Variants in KCNMA1 observed in about 807,000 individuals in gnomAD.
The protein encoded by KCNMA1 is potassium calcium-activated channel subfamily M alpha 1.
A neutral mutation model predicts 140.0 loss-of-function variants in KCNMA1; 29 were observed. The observed-to-expected ratio is 0.21, with a 90% CI of 0.15 to 0.28. The LOEUF (loss-of-function observed/expected upper bound fraction) is 0.28, where lower values mean the gene tolerates loss of function less well. KCNMA1 is among the 10% of genes least tolerant of loss of function. KCNMA1 has a pLI of 1.00. For missense variants in KCNMA1, 880 were observed against 1,602.2 expected (o/e 0.55, Z 7.70); for synonymous variants, 612 against 611.9 (o/e 1.00, Z 0.00).
intron 1 of KCNMA1, among the ~76,000 whole-genome samples, chr10:77,517,751 A>G (rs976159878): frequency 6.6e-6 from 1 of 152,138 alleles, no homozygotes; most frequent in African/African-American, 2.4e-5. Flanking sequence ...TCCCCATTCA[A>G]CAAGGAGGTA....
chr10:76,960,683 A>G (rs115712005), intron 20 of KCNMA1, among the ~76,000 whole-genome samples: 2,256 of 138,246 alleles, frequency 0.016, 63 homozygotes, highest in African/African-American at 0.06. Flanking sequence ...GCTAGAGCAC[A>G]GGCAGAGTAG....
intron 2 of KCNMA1, among the ~76,000 whole-genome samples, chr10:77,371,219 C>G (rs1566344729): frequency 1.3e-5 from 2 of 152,154 alleles, no homozygotes; most frequent in African/African-American, 2.4e-5. Context: ...GGTTCTCGGG[C>G]AAGGTGAACT....
At chr10:77,178,472 T>C (rs2098773046) in intron 5 of KCNMA1, among the ~76,000 whole-genome samples, 1 of 152,156 alleles carries the variant, frequency 6.6e-6, no homozygotes, top group Non-Finnish European at 1.5e-5. Flanking sequence ...TTTGGGAGGC[T>C]GAGGCGGGTA....
At chr10:77,118,380 A>G (rs1366672671) in intron 6 of KCNMA1, among the ~76,000 whole-genome samples, 1 of 152,230 alleles carries the variant, frequency 6.6e-6, no homozygotes, top group South Asian at 2.1e-4. Flanking sequence ...GCACCTGGAG[A>G]GAGAATGGCC....
rs536424100 is a variant in KCNMA1, at chr10:77,288,891, A to C, written c.541-37635T>G. Among the ~76,000 whole-genome samples, 3 of 152,314 alleles carry C rather than the reference A, an allele frequency of 2.0e-5. No individual in the cohort carries two copies. In the East Asian group the frequency reaches 5.8e-4, roughly 29 times the overall value. On this transcript the variant is annotated intron_variant, in intron 2 of 27. Transcript: ENST00000286628. ...ACCTGGAGTTTGCATCTCAAAAGTGAACACCATCCACAAGGCCAGGCAAGA... is the reference window on the plus strand; with the variant it reads ...ACCTGGAGTTTGCATCTCAAAAGTGCACACCATCCACAAGGCCAGGCAAGA...
At chr10:77,447,710 A>G (rs538043579) in intron 1 of KCNMA1, among the ~76,000 whole-genome samples, 65 of 152,340 alleles carry the variant, frequency 4.3e-4, no homozygotes, top group African/African-American at 1.5e-3. Context: ...TGGGATCAAG[A>G]ACAGGGGCTC....
intron 2 of KCNMA1, among the ~76,000 whole-genome samples, chr10:77,401,741 T>G (rs191390264): frequency 6.6e-6 from 1 of 152,330 alleles, no homozygotes; most frequent in East Asian, 1.9e-4. Context: ...ATTTTTTATA[T>G]CTTCCCGCCA....
At chr10:76,917,112 G>C (rs548850096) in intron 23 of KCNMA1, among the ~76,000 whole-genome samples, 1 of 152,300 alleles carries the variant, frequency 6.6e-6, no homozygotes, top group East Asian at 1.9e-4. Context: ...TTCTAGGATG[G>C]TGAAGGGGAA....
intron 5 of KCNMA1, among the ~76,000 whole-genome samples, chr10:77,152,423 A>G (rs79087352): frequency 6.6e-6 from 1 of 152,124 alleles, no homozygotes; most frequent in Admixed American, 6.6e-5. Context: ...TGATCTCAGG[A>G]AACACCAGTA....
chr10:76,965,121 G>A (rs1190242839), intron 20 of KCNMA1, among the ~76,000 whole-genome samples: 4 of 152,120 alleles, frequency 2.6e-5, no homozygotes, highest in Non-Finnish European at 5.9e-5. Context: ...TGCTCCCCAG[G>A]ACTTTACAAA....
intron 21 of KCNMA1, among the ~76,000 whole-genome samples, chr10:76,952,910 C>A (rs985583986): frequency 1.3e-5 from 2 of 152,188 alleles, no homozygotes; most frequent in African/African-American, 4.8e-5. Context: ...GGAGAAAGAA[C>A]CCTTCCATCT....
At chr10:77,238,871 A>G (rs535571010) in intron 3 of KCNMA1, among the ~76,000 whole-genome samples, 5 of 152,324 alleles carry the variant, frequency 3.3e-5, no homozygotes, top group African/African-American at 1.2e-4. Flanking sequence ...TCCAATTCCC[A>G]AATGGGTGTT....
At chr10:77,273,445 C>T (rs1404928765) in intron 2 of KCNMA1, among the ~76,000 whole-genome samples, 1 of 152,104 alleles carries the variant, frequency 6.6e-6, no homozygotes, top group East Asian at 1.9e-4. Context: ...ATTATACTTG[C>T]AAGATGAATT....
intron 3 of KCNMA1, among the ~76,000 whole-genome samples, chr10:77,237,257 A>G (rs1943258452): frequency 6.6e-6 from 1 of 152,190 alleles, no homozygotes; most frequent in Non-Finnish European, 1.5e-5. Flanking sequence ...ACACACTACT[A>G]TCAGGTAGGT....
chr10:77,157,976 G>GA (rs1207144059), intron 5 of KCNMA1, among the ~76,000 whole-genome samples: 2 of 152,162 alleles, frequency 1.3e-5, no homozygotes, highest in African/African-American at 4.8e-5. Flanking sequence ...GGCAGGGAGG[G>GA]AAGTAGCAAA....
intron 14 of KCNMA1, among the ~76,000 whole-genome samples, chr10:77,072,865 A>G (rs2096264033): frequency 6.6e-6 from 1 of 152,232 alleles, no homozygotes; most frequent in Non-Finnish European, 1.5e-5. Context: ...ATCTAAAAAA[A>G]GAGGGGATTG....
chr10:76,897,011 TACACACACACACACACACAC>T (rs3067677), intron 25 of KCNMA1, among the ~76,000 whole-genome samples: 2 of 142,718 alleles, frequency 1.4e-5, no homozygotes, highest in Non-Finnish European at 1.5e-5. Context: ...AGGTGAAAAT[TACACACACACACACACACAC>T]ACACACACAC....
chr10:77,080,008 C>A (rs2096524892), intron 12 of KCNMA1, among the ~76,000 whole-genome samples: 1 of 152,108 alleles, frequency 6.6e-6, no homozygotes, highest in Admixed American at 6.5e-5. Flanking sequence ...AGTCCCAGTT[C>A]CATCTCTCAC....
chr10:77,439,086 A>AG lies in KCNMA1; in HGVS notation c.379-35064_379-35063insC, dbSNP rs1446939139. ...ACTCTCTCAAAAAAAGAAAGAAAAG[A>AG]AAAGAGAAGAGAAGAGAAGAGAAGA... On this transcript the variant is annotated intron_variant, in intron 1 of 27. Transcript: ENST00000286628. Among the ~76,000 whole-genome samples the AG allele has an allele frequency of 1.5e-3, 213 of 146,736 alleles. 3 individuals are homozygous for AG. The highest frequency in any genetic ancestry group is 1.7e-3 in the Non-Finnish European group (113 of 67,124).
Sources: allele counts gnomAD v4.1 joint callset (sites outside exome capture counted in the v4.1 genomes callset), GRCh38; gene constraint gnomAD v4.1.1; transcripts MANE v1.5; gene names NCBI Gene and HGNC (gene_info 2026-07-23, HGNC 2026-07-21).